The following IMMP2L variants were observed in gnomAD, a reference collection of about 807,000 sequenced individuals.
IMMP2L encodes mitochondrial inner membrane protease subunit 2.
In IMMP2L, 18 loss-of-function variants were observed where a neutral mutation model predicts 19.3. That is an observed-to-expected ratio of 0.93 (90% CI 0.64 to 1.38). IMMP2L has a LOEUF of 1.38. Ranked by LOEUF, IMMP2L falls within the 40% of genes most tolerant of loss-of-function variation. The pLI, the probability that IMMP2L is intolerant of heterozygous loss-of-function variation, is 0.00. For missense variants in IMMP2L, 233 were observed against 218.2 expected (o/e 1.07, Z -0.43); for synonymous variants, 76 against 73.0 (o/e 1.04, Z -0.21).
At chr7:111,505,424 CAG>C (rs1355003460) in intron 2 of IMMP2L, among the ~76,000 whole-genome samples, 1 of 151,962 alleles carries the variant, frequency 6.6e-6, no homozygotes, top group Non-Finnish European at 1.5e-5. Flanking sequence ...GGTGATTCCT[CAG>C]GGATCTAGAA....
chr7:111,391,746 G>GA, intron 3 of IMMP2L: 1 of 586,700 alleles, frequency 1.7e-6, no homozygotes, highest in Non-Finnish European at 3.0e-6. Flanking sequence ...TATACAATCA[G>GA]AAAAATGGCA....
chr7:111,487,253 TCA>T lies in IMMP2L; in HGVS notation c.222_223del (p.Asp75HisfsTer8). ...AGTTACTTACACCAATGATACAATG[TCA>T]CCACGGTGTACTTCAAAATTCCTCA... On this transcript the variant is annotated frameshift_variant, in exon 3 of 6. Transcript: ENST00000405709. LOFTEE classifies it high-confidence loss of function. The T allele has an allele frequency of 6.4e-7, 1 of 1,557,704 alleles. No individual in the cohort carries two copies. The highest frequency in any genetic ancestry group is 8.9e-7 in the Non-Finnish European group (1 of 1,129,068).
At chr7:110,784,370 A>C (rs1053183073) in intron 5 of IMMP2L, among the ~76,000 whole-genome samples, 1 of 151,582 alleles carries the variant, frequency 6.6e-6, no homozygotes, top group Non-Finnish European at 1.5e-5. Flanking sequence ...ACTGAACAGC[A>C]CCTCCTCCCC....
chr7:111,299,071 T>G (rs1006894415), intron 3 of IMMP2L, among the ~76,000 whole-genome samples: 2 of 152,112 alleles, frequency 1.3e-5, no homozygotes, highest in Non-Finnish European at 2.9e-5. Flanking sequence ...TCACTATTTG[T>G]CTTGAATTAC....
chr7:110,837,310 GA>G (rs756873588), intron 5 of IMMP2L, among the ~76,000 whole-genome samples: 23 of 151,780 alleles, frequency 1.5e-4, no homozygotes, highest in Non-Finnish European at 2.4e-4. Context: ...AAAGAGTAAA[GA>G]AGGGAGGAAA....
intron 4 of IMMP2L, among the ~76,000 whole-genome samples, chr7:110,905,077 T>C (rs983804191): frequency 6.6e-6 from 1 of 152,210 alleles, no homozygotes; most frequent in African/African-American, 2.4e-5. Flanking sequence ...CACTTAGTTA[T>C]GTGTTCACAT....
chr7:110,917,974 C>T (rs1228366899), intron 4 of IMMP2L, among the ~76,000 whole-genome samples: 1 of 152,076 alleles, frequency 6.6e-6, no homozygotes, highest in Non-Finnish European at 1.5e-5. Flanking sequence ...AAATAAAAGT[C>T]AGTCCCTTCT....
Position 111,123,790 on chromosome 7 carries a change from A to G in IMMP2L, c.240-160225T>C. 6.2e-7 allele frequency: 1 copy of G among 1,614,056 alleles called. No individual in the cohort carries two copies. The highest frequency in any genetic ancestry group is 1.7e-5 in the Admixed American group (1 of 59,968). The stretch of plus-strand genomic sequence containing the variant: ...CAGACTCCCCAAGCTGGAATCACTC[A>G]TGCTGAACAGCAATGCTCTCAGTGC... On this transcript the variant is annotated intron_variant, in intron 3 of 5. Coordinates refer to ENST00000405709, the MANE Select transcript of IMMP2L (RefSeq NM_032549.4). The surrounding 1 kb of genome is among the most constrained non-coding windows in gnomAD (Gnocchi z 6.4).
rs575440310 is a variant in IMMP2L, at chr7:111,424,492, G to A, written c.239+62746C>T. ...CCATGCTAATTTTTAGATATTACTC[G>A]TGACTTTTTTCTCTACTGACAAAAG... On this transcript the variant is annotated intron_variant, in intron 3 of 5. Transcript: ENST00000405709. Among the ~76,000 whole-genome samples the A allele has an allele frequency of 1.1e-3, 163 of 151,872 alleles. 2 individuals carry two copies. Among genetic ancestry groups the A allele is most frequent in the Middle Eastern group, 3.4e-3 (1 of 294 alleles).
At chr7:110,677,791 T>C (rs916477523) in intron 5 of IMMP2L, among the ~76,000 whole-genome samples, 8 of 151,694 alleles carry the variant, frequency 5.3e-5, no homozygotes, top group African/African-American at 1.5e-4. Context: ...AGGGAGGCTC[T>C]GGAAAAAAAT....
At chr7:110,905,865 T>C (rs532355796) in intron 4 of IMMP2L, among the ~76,000 whole-genome samples, 221 of 152,326 alleles carry the variant, frequency 1.5e-3, no homozygotes, top group Non-Finnish European at 2.9e-3. Flanking sequence ...TTATAAAACA[T>C]GAAATACACA....
At chr7:110,793,027 T>C (rs1800577199) in intron 5 of IMMP2L, among the ~76,000 whole-genome samples, 1 of 151,952 alleles carries the variant, frequency 6.6e-6, no homozygotes, top group African/African-American at 2.4e-5. Flanking sequence ...TCTAAAAAAG[T>C]TGAATACATA....
intron 2 of IMMP2L, among the ~76,000 whole-genome samples, chr7:111,487,925 T>C (rs575156094): frequency 6.6e-6 from 1 of 152,240 alleles, no homozygotes; most frequent in East Asian, 1.9e-4. Context: ...ATAAGGGGCT[T>C]TCATCCTAGG....
At position 111,185,839 on chromosome 7, in the gene IMMP2L, C is replaced by T. The variant is rs1808210717; in HGVS notation, c.240-222274G>A. 2.0e-5 allele frequency among the ~76,000 whole-genome samples: 3 copies of T among 152,102 alleles called. No individual in the cohort carries two copies. The South Asian group carries it at 6.2e-4, about 31-fold the overall frequency. ...GTAATTAGCTTGCTTAGCTTCTGGACATGTAGGGAAATATGCTTTATTTTA... is the reference window on the plus strand; with the variant it reads ...GTAATTAGCTTGCTTAGCTTCTGGATATGTAGGGAAATATGCTTTATTTTA... On this transcript the variant is annotated intron_variant, in intron 3 of 5. Coordinates refer to ENST00000405709, the MANE Select transcript of IMMP2L (RefSeq NM_032549.4).
intron 3 of IMMP2L, among the ~76,000 whole-genome samples, chr7:111,060,966 CT>C (rs1372513872): frequency 6.6e-6 from 1 of 152,098 alleles, no homozygotes; most frequent in Non-Finnish European, 1.5e-5. Context: ...CCCAATGTTC[CT>C]TTTTAAAACA....
At chr7:111,049,674 T>C (rs946988846) in intron 3 of IMMP2L, among the ~76,000 whole-genome samples, 3 of 152,214 alleles carry the variant, frequency 2.0e-5, no homozygotes, top group African/African-American at 4.8e-5. Flanking sequence ...TCCTAGTTCA[T>C]CTGAAATACT....
At chr7:110,952,773 C>T (rs1404606987) in intron 4 of IMMP2L, among the ~76,000 whole-genome samples, 1 of 152,020 alleles carries the variant, frequency 6.6e-6, no homozygotes, top group Non-Finnish European at 1.5e-5. Flanking sequence ...TATTTTAGCC[C>T]ATGGACTACC....
chr7:111,012,363 C>G (rs571439179), intron 3 of IMMP2L, among the ~76,000 whole-genome samples: 1 of 151,936 alleles, frequency 6.6e-6, no homozygotes, highest in Non-Finnish European at 1.5e-5. Flanking sequence ...CACTATAGTG[C>G]GAACAGTATT....
At chr7:110,992,789 A>G (rs943666464) in intron 3 of IMMP2L, among the ~76,000 whole-genome samples, 1 of 152,132 alleles carries the variant, frequency 6.6e-6, no homozygotes, top group Non-Finnish European at 1.5e-5. Flanking sequence ...ATATTCAGAA[A>G]TAATGCTATA....
Sources: gnomAD v4.1 joint callset for allele counts (sites outside exome capture counted in the v4.1 genomes callset) on GRCh38, gnomAD v4.1.1 for gene constraint, Gnocchi (gnomAD v3.1) non-coding constraint, MANE v1.5 for transcripts, NCBI Gene and HGNC (gene_info 2026-07-23, HGNC 2026-07-21) for gene names.